GAREM2: variants seen among roughly 807,000 people sequenced by gnomAD.
The protein encoded by GAREM2 is GRB2-associated and regulator of MAPK protein 2.
A neutral mutation model predicts 55.6 loss-of-function variants in GAREM2; 30 were observed. The ratio of observed to expected loss-of-function variants is 0.54; its 90% CI spans 0.40 to 0.73. The LOEUF (loss-of-function observed/expected upper bound fraction) is 0.73, where lower values mean the gene tolerates loss of function less well. GAREM2 is among the 30% of genes least tolerant of loss of function. The pLI is 0.00. For missense variants in GAREM2, 1,075 were observed against 1,257.7 expected (o/e 0.85, Z 2.20); for synonymous variants, 550 against 569.1 (o/e 0.97, Z 0.48).
chr2:26,185,455 G>A (rs1669220119), intron 4 of GAREM2, among the ~76,000 whole-genome samples, 179 bp downstream of exon 4: 1 of 152,184 alleles, frequency 6.6e-6, no homozygotes, highest in Non-Finnish European at 1.5e-5. Flanking sequence ...GGGCACTGGG[G>A]CGGGCGGTGG....
At chr2:26,192,212 AAAGTATT>A, downstream of GAREM2, 1 of 712,700 alleles carries the variant, frequency 1.4e-6, no homozygotes, top group Non-Finnish European at 2.5e-6. Flanking sequence ...CCCAGGACTT[AAAGTATT>A]AAAAAAAAAA....
In GAREM2 at chr2:26,184,669, C is replaced by T. The variant is rs1306166419; in HGVS notation, c.821C>T (p.Pro274Leu). 6.5e-7 allele frequency: 1 copy of T among 1,543,846 alleles called. No individual in the cohort carries two copies. The highest frequency in any genetic ancestry group is 8.7e-7 in the Non-Finnish European group (1 of 1,144,360). ...PVNVLVPSRP[P>L]RNPYDLHPVR... ...AACGTGCTGGTGCCCAGCCGGCCGC[C>T]GCGCAACCCCTACGACCTGCACCCG... is the stretch of plus-strand genomic sequence containing the variant. The change falls in exon 4 of 6, where the codon CCG (proline) becomes CTG (leucine). Residue 274 changes from proline to leucine, a missense_variant. Pro to Leu is a moderately conservative substitution (Grantham distance 98). Transcript: ENST00000401533.
chr2:26,201,346 A>G, the GAREM2 span: 1 of 1,529,708 alleles, frequency 6.5e-7, no homozygotes, highest in African/African-American at 1.4e-5. Flanking sequence ...TCCTAGTTAG[A>G]TGGGAAGAAA....
chr2:26,193,821 C>A (rs1260233636), downstream of GAREM2: 1 of 1,450,174 alleles, frequency 6.9e-7, no homozygotes, highest in Non-Finnish European at 9.7e-7. Flanking sequence ...AGCCCAAATC[C>A]CCCCAAAGGG....
At chr2:26,193,116 GGT>G (rs1669559671), downstream of GAREM2, among the ~76,000 whole-genome samples, 1 of 151,938 alleles carries the variant, frequency 6.6e-6, no homozygotes, top group South Asian at 2.1e-4. Flanking sequence ...CAGACAGCAT[GGT>G]AAAGCCCGGA....
At chr2:26,196,697 C>G in the GAREM2 span, among the ~76,000 whole-genome samples, 9 of 152,166 alleles carry the variant, frequency 5.9e-5, no homozygotes, top group Non-Finnish European at 5.9e-5. Context: ...AAAAGCTGTC[C>G]TAGATACTTG....
chr2:26,192,775 G>A (rs936859978), downstream of GAREM2, among the ~76,000 whole-genome samples: 7 of 152,146 alleles, frequency 4.6e-5, no homozygotes, highest in African/African-American at 1.7e-4. Context: ...CCTGACCTGA[G>A]AATTCTTGTC....
At chr2:26,201,339 T>A in the GAREM2 span, 1 of 1,557,352 alleles carries the variant, frequency 6.4e-7, no homozygotes, top group Non-Finnish European at 8.9e-7. Flanking sequence ...AACACATTCC[T>A]AGTTAGATGG....
At chr2:26,192,734 C>CAA (rs965732861), downstream of GAREM2, among the ~76,000 whole-genome samples, 1 of 148,528 alleles carries the variant, frequency 6.7e-6, no homozygotes, top group African/African-American at 2.5e-5. Flanking sequence ...GACTCTGTCT[C>CAA]AAAAAAAAAC....
chr2:26,182,389 G>A (rs1156947392), intron 2 of GAREM2: 7 of 1,547,028 alleles, frequency 4.5e-6, no homozygotes, highest in Non-Finnish European at 6.1e-6. Flanking sequence ...TGGGGTCAGA[G>A]TGGTTCTCCC....
In GAREM2 at chr2:26,176,279, C is replaced by T. The variant is rs752258748; in HGVS notation, c.113-65C>T. ...CTTGGTGAGGACGTCACTATCTGTT[C>T]TTTCTGCCCCTTCTAATGTCCTGTC... On this transcript the variant is annotated intron_variant, in intron 1 of 5. Transcript: ENST00000401533. The T allele has an allele frequency of 1.4e-4, 194 of 1,427,320 alleles. 1 individual carries two copies. Among genetic ancestry groups the T allele is most frequent in the Non-Finnish European group, 1.7e-4 (188 of 1,074,548 alleles). The allele number at this position is 1,427,320 out of a possible 1,614,324, so 88.4% of individuals were successfully genotyped here. A position where few individuals can be genotyped will look rare whatever the true frequency, so the allele number is the denominator to read the frequency against.
the GAREM2 span, among the ~76,000 whole-genome samples, chr2:26,199,079 G>C: frequency 1.3e-5 from 2 of 151,990 alleles, no homozygotes; most frequent in Admixed American, 1.3e-4. Context: ...GTAGTTTTTA[G>C]TAAAGACAGG....
downstream of GAREM2, chr2:26,190,812 C>G (rs1669471425): frequency 3.6e-6 from 1 of 279,494 alleles, no homozygotes; most frequent in African/African-American, 2.2e-5. Flanking sequence ...CCCCAAAGCA[C>G]AGGGCTTTCT....
downstream of GAREM2, chr2:26,191,671 G>A (rs758130419): frequency 5.0e-6 from 8 of 1,607,356 alleles, no homozygotes; most frequent in African/African-American, 6.7e-5. Context: ...AGAGGAAAAG[G>A]GGAGGAAAGC....
the GAREM2 span, among the ~76,000 whole-genome samples, chr2:26,200,876 G>A: frequency 6.6e-6 from 1 of 152,046 alleles, no homozygotes; most frequent in African/African-American, 2.4e-5. Flanking sequence ...GGGACTACAG[G>A]TGTGTGCCAC....
rs1553309898 is a variant in GAREM2 at position 26,178,889 on chromosome 2, A to AGGAGGCGGAGGCGGAGGC, written c.253+2406_253+2423dup. On this transcript the variant is annotated intron_variant, in intron 2 of 5. Transcript: ENST00000401533. ...GTCCGCCCGCACGGGGGAGGGGAGG[A>AGGAGGCGGAGGCGGAGGC]GGAGGCGGAGGCGGAGGCAGAGGCC... 1.5e-3 allele frequency among the ~76,000 whole-genome samples: 228 copies of AGGAGGCGGAGGCGGAGGC among 149,796 alleles called. 4 individuals carry two copies. The highest frequency in any genetic ancestry group is 3.7e-3 in the South Asian group (17 of 4,578).
the GAREM2 span, among the ~76,000 whole-genome samples, chr2:26,202,285 G>A: frequency 6.6e-6 from 1 of 152,028 alleles, no homozygotes; most frequent in Non-Finnish European, 1.5e-5. Flanking sequence ...ATTTTTCGTC[G>A]CCAAGGGAAA....
Position 26,183,044 on chromosome 2 carries a change from A to C in GAREM2, c.331A>C (p.Ser111Arg). The C allele has an allele frequency of 6.4e-7, 1 of 1,551,724 alleles. No homozygotes were observed. Among genetic ancestry groups the C allele is most frequent in the Non-Finnish European group, 8.7e-7 (1 of 1,146,984 alleles). Residue 111 changes from serine (S) to arginine (R), a missense_variant, in exon 3 of 6, where the codon AGT (serine) becomes CGT (arginine). By Grantham distance (110) the Ser-to-Arg change is moderately radical. Around this residue, in one of 6 missense-constraint regions of GAREM2, gnomAD observed 230 missense variants for 310.6 expected, o/e 0.74. Coordinates refer to ENST00000401533, the MANE Select transcript of GAREM2 (RefSeq NM_001168241.2). ...RYFSSVEEVA[S>R]VFPDRIFVME... is the part of the protein sequence containing the mutation. The stretch of plus-strand genomic sequence containing the variant: ...CTTCAGCAGCGTGGAGGAGGTGGCC[A>C]GTGTCTTCCCTGACCGCATCTTCGT...
At chr2:26,194,031 G>T (rs78408913), downstream of GAREM2, among the ~76,000 whole-genome samples, 2,710 of 152,292 alleles carry the variant, frequency 0.018, 96 homozygotes, top group African/African-American at 0.062. Flanking sequence ...CTTCTTGTTT[G>T]CATTTCTGAA....
Sources: allele counts gnomAD v4.1 joint callset (sites outside exome capture counted in the v4.1 genomes callset), GRCh38; gene constraint gnomAD v4.1.1; regional missense constraint gnomAD v4.1.1; transcripts MANE v1.5; gene names NCBI Gene and HGNC (gene_info 2026-07-23, HGNC 2026-07-21).